Variants in PRICKLE1 observed in about 807,000 individuals in gnomAD.
The protein encoded by PRICKLE1 is prickle-like protein 1.
Under a neutral mutation model 70.2 loss-of-function variants are expected in PRICKLE1, and 14 were observed. The observed-to-expected ratio is 0.20, with a 90% CI of 0.13 to 0.31. PRICKLE1 has a LOEUF of 0.31. Ranked by LOEUF, PRICKLE1 falls within the 10% of genes least tolerant of loss-of-function variation. The pLI is 1.00. For synonymous variants in PRICKLE1, 357 were observed against 379.9 expected (o/e 0.94, Z 0.70); for missense variants, 821 against 1,026.2 (o/e 0.80, Z 2.73).
chr12:42,511,184 C>A (rs1199189613), intron 1 of PRICKLE1, among the ~76,000 whole-genome samples: 2 of 152,178 alleles, frequency 1.3e-5, no homozygotes, highest in African/African-American at 4.8e-5. Flanking sequence ...CCAATAAAAC[C>A]AGAGGGAAAC....
intron 1 of PRICKLE1, among the ~76,000 whole-genome samples, chr12:42,577,345 C>T (rs1486932499): frequency 2.0e-5 from 3 of 151,828 alleles, no homozygotes; most frequent in African/African-American, 7.3e-5. Flanking sequence ...AAACTATAAA[C>T]CAGACTTTTG....
At chr12:42,462,650 G>A (rs1205180555) in intron 7 of PRICKLE1, among the ~76,000 whole-genome samples, 2 of 152,170 alleles carry the variant, frequency 1.3e-5, no homozygotes, top group Admixed American at 1.3e-4. Flanking sequence ...AGCCGGGGGG[G>A]TAGCTTTGCC....
intron 1 of PRICKLE1, among the ~76,000 whole-genome samples, chr12:42,500,704 GA>G (rs908729523): frequency 5.0e-5 from 7 of 141,304 alleles, no homozygotes; most frequent in African/African-American, 1.4e-4. Context: ...TTCAACAAAT[GA>G]AAAAAAAGCA....
At chr12:42,571,416 C>G (rs1940710892) in intron 1 of PRICKLE1, among the ~76,000 whole-genome samples, 1 of 152,104 alleles carries the variant, frequency 6.6e-6, no homozygotes, top group African/African-American at 2.4e-5. Context: ...ATAATTGAAA[C>G]CAGCCTACAG....
At chr12:42,477,438 A>G (rs1938593879) in intron 1 of PRICKLE1, among the ~76,000 whole-genome samples, 2 of 110,212 alleles carry the variant, frequency 1.8e-5, no homozygotes. Flanking sequence ...ATATGTATAT[A>G]TGTGTATATA....
intron 1 of PRICKLE1, among the ~76,000 whole-genome samples, chr12:42,518,788 T>C (rs1198537511): frequency 6.6e-6 from 1 of 152,174 alleles, no homozygotes; most frequent in Non-Finnish European, 1.5e-5. Context: ...GGTGCAGGAG[T>C]AATACAGCTT....
At chr12:42,467,640 G>T (rs1377503648) in intron 5 of PRICKLE1, among the ~76,000 whole-genome samples, 1 of 152,094 alleles carries the variant, frequency 6.6e-6, no homozygotes. Context: ...CAGCTACTCG[G>T]GGGGCTGAGG....
At chr12:42,587,446 C>A (rs965473528) in intron 1 of PRICKLE1, among the ~76,000 whole-genome samples, 2 of 152,206 alleles carry the variant, frequency 1.3e-5, no homozygotes, top group Non-Finnish European at 2.9e-5. Context: ...AGTTCATCAG[C>A]AAGTGTGCAA....
At chr12:42,504,969 G>T (rs1939381492) in intron 1 of PRICKLE1, among the ~76,000 whole-genome samples, 1 of 151,520 alleles carries the variant, frequency 6.6e-6, no homozygotes, top group Middle Eastern at 3.4e-3. Context: ...ATGAAACCCG[G>T]TCTCTACTAA....
At chr12:42,553,923 C>G (rs545733479) in intron 1 of PRICKLE1, among the ~76,000 whole-genome samples, 2 of 152,070 alleles carry the variant, frequency 1.3e-5, no homozygotes, top group African/African-American at 4.8e-5. Context: ...GCCAACACAG[C>G]GAAACCCCAT....
chr12:42,534,023 T>C (rs1213549857), intron 1 of PRICKLE1, among the ~76,000 whole-genome samples: 1 of 152,226 alleles, frequency 6.6e-6, no homozygotes, highest in East Asian at 1.9e-4. Context: ...CAGGAAATAT[T>C]TGACCTAGAT....
Position 42,459,878 on chromosome 12 carries a change from C to T in PRICKLE1, c.2427G>A (p.Gln809=). The T allele has an allele frequency of 6.2e-7, 1 of 1,614,062 alleles. No individual in the cohort carries two copies. Among genetic ancestry groups the T allele is most frequent in the Non-Finnish European group, 8.5e-7 (1 of 1,180,012 alleles). The change falls in exon 8 of 8, where the codon CAG becomes CAA. Residue 809 remains glutamine (Q), a synonymous_variant. Transcript: ENST00000345127. ...TGGATTTTGTTGTCCTCTGACCAAA[C>T]TGAGGGGTGGGAAGTGCAGATGGTG... ...SSPPSALPTP[Q]FGQRTTKSKK...
At chr12:42,527,458 A>G (rs1168551685) in intron 1 of PRICKLE1, among the ~76,000 whole-genome samples, 1 of 152,164 alleles carries the variant, frequency 6.6e-6, no homozygotes, top group Non-Finnish European at 1.5e-5. Context: ...ATTCTATAGG[A>G]AAACTGCTTC....
intron 1 of PRICKLE1, among the ~76,000 whole-genome samples, chr12:42,576,179 G>T (rs1269318049): frequency 6.6e-6 from 1 of 152,222 alleles, no homozygotes; most frequent in Non-Finnish European, 1.5e-5. Context: ...ACATTAAATG[G>T]TTAACATGCA....
At chr12:42,529,284 T>C (rs1423006692) in intron 1 of PRICKLE1, among the ~76,000 whole-genome samples, 2 of 152,236 alleles carry the variant, frequency 1.3e-5, no homozygotes, top group African/African-American at 4.8e-5. Flanking sequence ...CACCACTGTA[T>C]AGCAATCCTG....
At chr12:42,563,438 G>A (rs1332894728) in intron 1 of PRICKLE1, among the ~76,000 whole-genome samples, 1 of 151,704 alleles carries the variant, frequency 6.6e-6, no homozygotes, top group African/African-American at 2.4e-5. Context: ...GGTGGGTCAT[G>A]CCTGTAATCA....
At chr12:42,552,051 G>A (rs747956544) in intron 1 of PRICKLE1, among the ~76,000 whole-genome samples, 215 of 141,566 alleles carry the variant, frequency 1.5e-3, no homozygotes, top group Non-Finnish European at 2.4e-3. Flanking sequence ...ACACATTCAA[G>A]AAAGTTACTT....
intron 1 of PRICKLE1, among the ~76,000 whole-genome samples, chr12:42,559,619 TA>T (rs1403762915): frequency 2.1e-4 from 11 of 52,092 alleles, no homozygotes; most frequent in South Asian, 1.1e-3. Flanking sequence ...TATATATATA[TA>T]TATATTTTTT....
rs374901343 is a variant in PRICKLE1 at position 42,518,410 on chromosome 12, G to A, written c.-48-45846C>T. On this transcript the variant is annotated intron_variant, in intron 1 of 7. Coordinates refer to ENST00000345127, the MANE Select transcript of PRICKLE1 (RefSeq NM_153026.3). ...AACAAGGATGGTTTTTTTATACCCTGGAGAATTTCTTATTTTTTCAACTGA... is the reference window on the plus strand; with the variant it reads ...AACAAGGATGGTTTTTTTATACCCTAGAGAATTTCTTATTTTTTCAACTGA... Among the ~76,000 whole-genome samples, 6 of 152,160 alleles carry A rather than the reference G, an allele frequency of 3.9e-5. No individual in the cohort carries two copies. In the East Asian group the frequency reaches 9.6e-4, roughly 24 times the overall value.
Sources: allele counts gnomAD v4.1 joint callset (sites outside exome capture counted in the v4.1 genomes callset), GRCh38; gene constraint gnomAD v4.1.1; transcripts MANE v1.5; gene names NCBI Gene and HGNC (gene_info 2026-07-23, HGNC 2026-07-21).